MALRD1: variants seen among roughly 807,000 people sequenced by gnomAD.
MALRD1 encodes MAM and LDL receptor class A domain containing 1.
Under a neutral mutation model 242.1 loss-of-function variants are expected in MALRD1, and 247 were observed. The ratio of observed to expected loss-of-function variants is 1.02; its 90% CI spans 0.92 to 1.13. The LOEUF is 1.13. Ranked by LOEUF, MALRD1 falls within the 50% of genes most tolerant of loss-of-function variation. The probability of loss-of-function intolerance (pLI) is 0.00; values close to 1 mark genes in which losing one functional copy is unlikely to be tolerated. For missense variants in MALRD1, 2,989 were observed against 2,533.1 expected, an observed-to-expected ratio of 1.18 and a Z score of -3.86; for synonymous variants, 995 against 866.6, an observed-to-expected ratio of 1.15 and a Z score of -2.60.
intron 24 of MALRD1, among the ~76,000 whole-genome samples, chr10:19,343,217 A>G (rs1843961525): frequency 6.6e-6 from 1 of 152,112 alleles, no homozygotes; most frequent in African/African-American, 2.4e-5. Flanking sequence ...ATAATCAGCA[A>G]GTGATATTAA....
Position 19,323,992 on chromosome 10 carries a change from G to T in MALRD1, c.3463G>T (p.Gly1155Trp), listed in dbSNP as rs1285589913. The change falls in exon 22 of 40, where the codon GGG becomes TGG. Residue 1155 changes from glycine (G) to tryptophan (W), a missense_variant. Transcript: ENST00000454679. ...GTACCTGTATGCTGACAGTTCTAAT[G>T]GGAAATTTGGTGACACGGCTGACAT... ...GWYLYADSSNGKFGDTADILT... is the reference protein window; with the variant it reads ...GWYLYADSSNWKFGDTADILT... 2.6e-6 allele frequency: 4 copies of T among 1,550,794 alleles called. No homozygotes were observed. The South Asian group carries it at 4.8e-5, about 18-fold the overall frequency.
intron 38 of MALRD1, among the ~76,000 whole-genome samples, chr10:19,694,300 T>C (rs1370345349): frequency 1.3e-5 from 2 of 152,074 alleles, no homozygotes; most frequent in African/African-American, 4.8e-5. Flanking sequence ...ACCTACAGAA[T>C]GGGAGAAAAT....
At chr10:19,165,849 A>C in intron 13 of MALRD1, 39 bp downstream of exon 13, 1 of 1,220,962 alleles carries the variant, frequency 8.2e-7, no homozygotes, top group Non-Finnish European at 1.0e-6. Flanking sequence ...AACAGAAGAC[A>C]CTTATTTAAT....
At chr10:19,371,458 C>T (rs771994003) in intron 26 of MALRD1, among the ~76,000 whole-genome samples, 1 of 147,952 alleles carries the variant, frequency 6.8e-6, no homozygotes, top group Non-Finnish European at 1.5e-5. Context: ...TGAATCTATA[C>T]AGAAAATTAT....
chr10:19,537,970 G>A (rs1485109914), intron 32 of MALRD1, among the ~76,000 whole-genome samples: 1 of 152,128 alleles, frequency 6.6e-6, no homozygotes, highest in Non-Finnish European at 1.5e-5. Flanking sequence ...AAGATAAACT[G>A]AAAACCAATG....
intron 33 of MALRD1, among the ~76,000 whole-genome samples, chr10:19,580,273 A>T (rs561474066): frequency 9.2e-5 from 14 of 152,282 alleles, no homozygotes; most frequent in Admixed American, 9.2e-4. Context: ...ATTTTTGGTT[A>T]TGGAGGAATT....
rs1216560404 is a variant in MALRD1, at chr10:19,664,444, G to A, written c.6138-27838G>A. On this transcript the variant is annotated intron_variant, in intron 36 of 39. Coordinates refer to ENST00000454679, the MANE Select transcript of MALRD1 (RefSeq NM_001142308.3). Reference sequence around the variant, plus strand: ...GAGATCTCTTTTTTTTCCTCCTTCTGTTTTTAATTGCTTTCCTAGTAATTC... The same window carrying A: ...GAGATCTCTTTTTTTTCCTCCTTCTATTTTTAATTGCTTTCCTAGTAATTC... Among the ~76,000 whole-genome samples, 4 of 151,704 alleles carry A rather than the reference G, an allele frequency of 2.6e-5. No individual in the cohort carries two copies. The East Asian group carries it at 5.8e-4, about 22-fold the overall frequency.
At chr10:19,201,090 C>T (rs1311221547) in intron 14 of MALRD1, among the ~76,000 whole-genome samples, 1 of 151,976 alleles carries the variant, frequency 6.6e-6, no homozygotes, top group Non-Finnish European at 1.5e-5. Context: ...GTGAAAAATC[C>T]TAGGATCTCA....
intron 33 of MALRD1, among the ~76,000 whole-genome samples, chr10:19,580,876 C>T (rs1162431202): frequency 1.3e-5 from 2 of 152,228 alleles, no homozygotes; most frequent in African/African-American, 4.8e-5. Flanking sequence ...CCTTATACTA[C>T]ACACACTCTG....
At chr10:19,137,608 A>G (rs1339947443) in intron 10 of MALRD1, among the ~76,000 whole-genome samples, 1 of 68,312 alleles carries the variant, frequency 1.5e-5, no homozygotes, top group Admixed American at 1.9e-4. Context: ...ACTCCGTCTG[A>G]AAAAAAAAAA....
chr10:19,348,920 T>G (rs1246566346), intron 25 of MALRD1, among the ~76,000 whole-genome samples: 1 of 152,174 alleles, frequency 6.6e-6, no homozygotes, highest in Non-Finnish European at 1.5e-5. Context: ...CCCCAATGTT[T>G]GACCTCCAAA....
intron 8 of MALRD1, among the ~76,000 whole-genome samples, chr10:19,132,756 C>A (rs774219661): frequency 5.3e-5 from 8 of 152,090 alleles, no homozygotes; most frequent in Non-Finnish European, 7.4e-5. Flanking sequence ...AAAATTCATG[C>A]ATTCTATATG....
chr10:19,102,360 A>G (rs928386913), intron 4 of MALRD1, among the ~76,000 whole-genome samples: 5 of 151,962 alleles, frequency 3.3e-5, no homozygotes, highest in African/African-American at 1.2e-4. Context: ...ATTTTTGTAT[A>G]AAGAAAATAC....
At chr10:19,673,082 T>G (rs1462731486) in intron 36 of MALRD1, among the ~76,000 whole-genome samples, 1 of 152,158 alleles carries the variant, frequency 6.6e-6, no homozygotes, top group Non-Finnish European at 1.5e-5. Context: ...CTGCTTTTTA[T>G]ACAAATTTAT....
chr10:19,280,636 G>C (rs1840757267), intron 20 of MALRD1, among the ~76,000 whole-genome samples: 1 of 152,104 alleles, frequency 6.6e-6, no homozygotes, highest in South Asian at 2.1e-4. Flanking sequence ...TACAACATTA[G>C]TACTATTAAA....
chr10:19,204,869 T>A (rs1349423153), intron 16 of MALRD1, 29 bp from the exon 17 acceptor site: 1 of 1,510,464 alleles, frequency 6.6e-7, no homozygotes, highest in East Asian at 2.5e-5. Context: ...TATAAATCAC[T>A]TCCATTTCTT....
At position 19,186,758 on chromosome 10, in the gene MALRD1, A is replaced by G. The variant is rs187341359; in HGVS notation, c.1951+11430A>G. ...TTCTTCACTCTTAAAATTGTGTTAG[A>G]AGTATTACTGGCTTTCCTTTTCTTT... On this transcript the variant is annotated intron_variant, in intron 14 of 39. Transcript: ENST00000454679. 2.8e-3 allele frequency among the ~76,000 whole-genome samples: 421 copies of G among 152,192 alleles called. 2 individuals carry two copies. The highest frequency in any genetic ancestry group is 9.7e-3 in the African/African-American group (403 of 41,522).
At chr10:19,352,477 C>T (rs1308903518) in intron 26 of MALRD1, among the ~76,000 whole-genome samples, 180 bp downstream of exon 26, 2 of 79,374 alleles carry the variant, frequency 2.5e-5, no homozygotes, top group Admixed American at 1.1e-4. Context: ...AAAATGTCTT[C>T]CACATTTTCT....
Position 19,653,742 on chromosome 10 carries a change from C to A in MALRD1, c.6137+37819C>A, listed in dbSNP as rs182306929. ...TAAGCAGGTAACTCAAAGGCAACAT[C>A]CAAATAGTCTACGTAAATTTCAGAG... On this transcript the variant is annotated intron_variant, in intron 36 of 39. Coordinates refer to ENST00000454679, the MANE Select transcript of MALRD1 (RefSeq NM_001142308.3). 9.3e-4 allele frequency among the ~76,000 whole-genome samples: 142 copies of A among 152,088 alleles called. 1 individual carries two copies. The highest frequency in any genetic ancestry group is 1.3e-3 in the Admixed American group (20 of 15,272).
Sources: gnomAD v4.1 joint callset for allele counts (sites outside exome capture counted in the v4.1 genomes callset) on GRCh38, gnomAD v4.1.1 for gene constraint, MANE v1.5 for transcripts, NCBI Gene and HGNC (gene_info 2026-07-23, HGNC 2026-07-21) for gene names.